The following ABTB3 variants were observed in gnomAD, a reference collection of about 807,000 sequenced individuals.
The protein encoded by ABTB3 is ankyrin repeat and BTB domain containing 3.
chr12:107,337,542 C>T, the ABTB3 span, among the ~76,000 whole-genome samples: 5 of 152,218 alleles, frequency 3.3e-5, no homozygotes, highest in East Asian at 1.9e-4. Flanking sequence ...CCATCACCAC[C>T]GATGATGTCG....
At chr12:107,478,083 C>T in the ABTB3 span, among the ~76,000 whole-genome samples, 1 of 152,156 alleles carries the variant, frequency 6.6e-6, no homozygotes. Context: ...TGGTTCTGTC[C>T]ACTGAGCGAA....
At chr12:107,342,750 C>T in the ABTB3 span, among the ~76,000 whole-genome samples, 2 of 152,234 alleles carry the variant, frequency 1.3e-5, no homozygotes, top group African/African-American at 4.8e-5. Flanking sequence ...GTCATTTGCC[C>T]ACCTGGAATG....
the ABTB3 span, among the ~76,000 whole-genome samples, chr12:107,446,648 C>T: frequency 3.3e-5 from 5 of 152,108 alleles, no homozygotes; most frequent in African/African-American, 1.2e-4. Flanking sequence ...AGGGTCTAGC[C>T]GCATCTGCAT....
the ABTB3 span, among the ~76,000 whole-genome samples, chr12:107,540,039 T>C: frequency 6.6e-6 from 1 of 152,188 alleles, no homozygotes; most frequent in South Asian, 2.1e-4. Context: ...GGGCTGGGTA[T>C]GTGAAGATGC....
At chr12:107,385,873 G>A in the ABTB3 span, among the ~76,000 whole-genome samples, 1 of 152,128 alleles carries the variant, frequency 6.6e-6, no homozygotes, top group Non-Finnish European at 1.5e-5. Context: ...CATCCTCACC[G>A]ACATGCCCAG....
the ABTB3 span, among the ~76,000 whole-genome samples, chr12:107,564,144 A>G: frequency 7.5e-6 from 1 of 134,038 alleles, no homozygotes; most frequent in Non-Finnish European, 1.6e-5. Context: ...GTGTTTGGCT[A>G]ATCAGTTAAA....
chr12:107,552,196 A>G, the ABTB3 span, among the ~76,000 whole-genome samples: 1 of 152,198 alleles, frequency 6.6e-6, no homozygotes, highest in Non-Finnish European at 1.5e-5. Flanking sequence ...GAACCTTTGG[A>G]GTCAAGCCCT....
At chr12:107,455,766 AG>A in the ABTB3 span, among the ~76,000 whole-genome samples, 3 of 152,172 alleles carry the variant, frequency 2.0e-5, no homozygotes, top group Non-Finnish European at 4.4e-5. Flanking sequence ...GGTTAGGGTC[AG>A]CTGGCTGCAG....
the ABTB3 span, among the ~76,000 whole-genome samples, chr12:107,540,178 G>T: frequency 0.39 from 59,190 of 152,006 alleles, 12,104 homozygotes; most frequent in East Asian, 0.68. Flanking sequence ...GGAAGTTCAA[G>T]ATCAAGATGC....
chr12:107,389,589 A>T, the ABTB3 span, among the ~76,000 whole-genome samples: 1 of 152,178 alleles, frequency 6.6e-6, no homozygotes, highest in Non-Finnish European at 1.5e-5. Context: ...TATTTTGGTT[A>T]TTAATTTCTG....
the ABTB3 span, among the ~76,000 whole-genome samples, chr12:107,540,350 C>G: frequency 6.6e-5 from 10 of 152,286 alleles, no homozygotes; most frequent in Admixed American, 6.5e-4. Context: ...CCTTTTTGTT[C>G]TATCCAGGCC....
At chr12:107,561,409 G>A in the ABTB3 span, among the ~76,000 whole-genome samples, 2 of 152,218 alleles carry the variant, frequency 1.3e-5, no homozygotes, top group East Asian at 3.9e-4. Flanking sequence ...GGTCTGCCTT[G>A]CATGAGAGTT....
the ABTB3 span, among the ~76,000 whole-genome samples, chr12:107,332,243 G>A: frequency 2.0e-5 from 3 of 152,192 alleles, no homozygotes; most frequent in African/African-American, 7.2e-5. Flanking sequence ...GGTGTTGATA[G>A]AGTTGGACTT....
the ABTB3 span, among the ~76,000 whole-genome samples, chr12:107,527,203 A>G: frequency 1.3e-4 from 20 of 151,618 alleles, no homozygotes; most frequent in African/African-American, 4.4e-4. Flanking sequence ...GACATGCTAT[A>G]TATTTGTTTA....
the ABTB3 span, among the ~76,000 whole-genome samples, chr12:107,566,651 A>G: frequency 7.2e-6 from 1 of 139,594 alleles, no homozygotes; most frequent in Middle Eastern, 3.7e-3. Flanking sequence ...ATTTAAATAC[A>G]CACACACACA....
chr12:107,587,855 G>A, the ABTB3 span, among the ~76,000 whole-genome samples: 1 of 152,190 alleles, frequency 6.6e-6, no homozygotes, highest in Non-Finnish European at 1.5e-5. Context: ...GGGAAGCTGG[G>A]AGTATCAGTT....
At chr12:107,594,098 T>C in the ABTB3 span, among the ~76,000 whole-genome samples, 1 of 152,228 alleles carries the variant, frequency 6.6e-6, no homozygotes, top group Non-Finnish European at 1.5e-5. Flanking sequence ...GCTTGCATCC[T>C]TAATTAGAGG....
At chr12:107,654,771 CT>C in the ABTB3 span, among the ~76,000 whole-genome samples, 1 of 148,524 alleles carries the variant, frequency 6.7e-6, no homozygotes, top group Non-Finnish European at 1.5e-5. Flanking sequence ...AGATTTTCTG[CT>C]TGGCTATCAG....
chr12:107,623,049 C>G, the ABTB3 span, among the ~76,000 whole-genome samples: 3 of 150,894 alleles, frequency 2.0e-5, no homozygotes, highest in East Asian at 5.8e-4. Flanking sequence ...AAAGACTTCC[C>G]AGCTTATTTG....
Sources: gnomAD v4.1 joint callset for allele counts (sites outside exome capture counted in the v4.1 genomes callset) on GRCh38, gnomAD v4.1.1 for gene constraint, MANE v1.5 for transcripts, NCBI Gene and HGNC (gene_info 2026-07-23, HGNC 2026-07-21) for gene names.